INVS: variants seen among roughly 807,000 people sequenced by gnomAD.
INVS encodes the protein inversin.
A neutral mutation model predicts 108.8 loss-of-function variants in INVS; 86 were observed. The observed-to-expected ratio is 0.79, with a 90% CI of 0.66 to 0.95. The LOEUF (loss-of-function observed/expected upper bound fraction) is 0.95, where lower values mean the gene tolerates loss of function less well. Among genes scored for constraint, INVS ranks in the 40% least tolerant of loss-of-function variants. The pLI, the probability that INVS is intolerant of heterozygous loss-of-function variation, is 0.00. For synonymous variants in INVS, 455 were observed against 473.5 expected (o/e 0.96, Z 0.51); for missense variants, 1,169 against 1,297.4 (o/e 0.90, Z 1.52).
intron 3 of INVS, among the ~76,000 whole-genome samples, chr9:100,186,080 A>C (rs768863012): frequency 4.6e-5 from 7 of 152,146 alleles, no homozygotes; most frequent in Non-Finnish European, 1.0e-4. Flanking sequence ...TGCTGGATCA[A>C]ATGGGTCAAA....
intron 3 of INVS, among the ~76,000 whole-genome samples, chr9:100,160,494 T>C (rs1169811414): frequency 6.6e-6 from 1 of 152,238 alleles, no homozygotes; most frequent in Non-Finnish European, 1.5e-5. Flanking sequence ...ACACATTTAT[T>C]AGTCAATAGA....
intron 3 of INVS, among the ~76,000 whole-genome samples, chr9:100,189,845 C>T (rs536601187): frequency 1.4e-4 from 22 of 152,072 alleles, no homozygotes; most frequent in Non-Finnish European, 2.8e-4. Flanking sequence ...CTGCCTCACC[C>T]TCCCAAAGTG....
At chr9:100,233,556 T>C (rs1280890081) in intron 5 of INVS, among the ~76,000 whole-genome samples, 2 of 152,304 alleles carry the variant, frequency 1.3e-5, no homozygotes, top group East Asian at 3.9e-4. Context: ...CAATACCTAA[T>C]TTATTGAGTG....
intron 8 of INVS, among the ~76,000 whole-genome samples, chr9:100,251,807 C>T (rs1320869351): frequency 6.6e-6 from 1 of 152,178 alleles, no homozygotes; most frequent in Non-Finnish European, 1.5e-5. Flanking sequence ...CTTCAGCCAA[C>T]TGAAGGAACA....
intron 3 of INVS, among the ~76,000 whole-genome samples, chr9:100,199,490 A>C (rs1477079985): frequency 1.3e-5 from 2 of 151,910 alleles, no homozygotes; most frequent in African/African-American, 2.4e-5. Context: ...TCAAATTTTT[A>C]ATTTTTCATT....
chr9:100,147,777 C>T (rs909438438), intron 3 of INVS, among the ~76,000 whole-genome samples: 5 of 151,902 alleles, frequency 3.3e-5, no homozygotes, highest in African/African-American at 4.8e-5. Context: ...AAAAGAATGA[C>T]GATGGTGTCT....
At chr9:100,177,182 C>T (rs1829743195) in intron 3 of INVS, among the ~76,000 whole-genome samples, 2 of 152,118 alleles carry the variant, frequency 1.3e-5, no homozygotes, top group Non-Finnish European at 1.5e-5. Flanking sequence ...GGGTTTCAAG[C>T]AAAAAACCGG....
chr9:100,115,942 T>C (rs1367363218), intron 2 of INVS, among the ~76,000 whole-genome samples: 1 of 152,118 alleles, frequency 6.6e-6, no homozygotes, highest in Non-Finnish European at 1.5e-5. Context: ...TTTCTCCACA[T>C]CCTCTCCAGC....
chr9:100,197,656 T>C lies in INVS; in HGVS notation c.274-28406T>C, dbSNP rs77685497. ...GATTAACAACCATGTAGAAATGTGA[T>C]TGGGCCAAAAAGGTGTGATCTAATT... On this transcript the variant is annotated intron_variant, in intron 3 of 16. Transcript: ENST00000262457. 6.4e-4 allele frequency among the ~76,000 whole-genome samples: 97 copies of C among 152,294 alleles called. 3 individuals are homozygous for C. In the East Asian group the frequency reaches 0.016, roughly 26 times the overall value.
chr9:100,143,358 T>C (rs943043993), intron 3 of INVS, among the ~76,000 whole-genome samples: 1 of 152,118 alleles, frequency 6.6e-6, no homozygotes, highest in African/African-American at 2.4e-5. Flanking sequence ...AAGGGGAGTT[T>C]ATAGGCTTTA....
intron 3 of INVS, among the ~76,000 whole-genome samples, chr9:100,224,631 T>G (rs1259814794): frequency 6.6e-6 from 1 of 152,164 alleles, no homozygotes; most frequent in Non-Finnish European, 1.5e-5. Flanking sequence ...CTCTTTTTTT[T>G]TTTGAAATGG....
chr9:100,209,989 G>C (rs1178651597), intron 3 of INVS, among the ~76,000 whole-genome samples: 1 of 152,016 alleles, frequency 6.6e-6, no homozygotes, highest in South Asian at 2.1e-4. Flanking sequence ...ACACAATGCC[G>C]TCGCACATTC....
At chr9:100,186,007 A>G (rs1382000489) in intron 3 of INVS, among the ~76,000 whole-genome samples, 1 of 152,206 alleles carries the variant, frequency 6.6e-6, no homozygotes, top group African/African-American at 2.4e-5. Context: ...TGCAATATAC[A>G]TATGCATGCA....
intron 3 of INVS, chr9:100,130,269 T>C (rs1421501957): frequency 1.3e-5 from 2 of 152,162 alleles, no homozygotes; most frequent in East Asian, 3.8e-4. Context: ...TCTGTTTTTT[T>C]AAATGAGGGA....
intron 3 of INVS, among the ~76,000 whole-genome samples, chr9:100,207,336 C>G (rs1028912553): frequency 6.6e-6 from 1 of 152,040 alleles, no homozygotes; most frequent in African/African-American, 2.4e-5. Context: ...CTCTGTCACC[C>G]AGGCTGGAAT....
intron 10 of INVS, among the ~76,000 whole-genome samples, chr9:100,254,828 TAC>T (rs1007646766): frequency 1.3e-5 from 2 of 152,208 alleles, no homozygotes; most frequent in African/African-American, 2.4e-5. Context: ...AGCCTTATAG[TAC>T]AGTTTGAAGT....
chr9:100,112,050 C>G (rs1344277720), intron 2 of INVS, among the ~76,000 whole-genome samples: 1 of 152,100 alleles, frequency 6.6e-6, no homozygotes, highest in Non-Finnish European at 1.5e-5. Context: ...TGCAGTGGTG[C>G]AATCTCTGCC....
intron 7 of INVS, among the ~76,000 whole-genome samples, chr9:100,243,077 T>C (rs1831930320): frequency 1.3e-5 from 2 of 152,226 alleles, no homozygotes; most frequent in South Asian, 2.1e-4. Context: ...TCTGAAGTTT[T>C]ATACAGATTT....
intron 12 of INVS, among the ~76,000 whole-genome samples, chr9:100,277,619 C>G (rs1191757540): frequency 1.3e-5 from 2 of 152,066 alleles, no homozygotes; most frequent in Non-Finnish European, 2.9e-5. Flanking sequence ...CAAAGGGGGT[C>G]CATGAGTCAC....
Sources: allele counts gnomAD v4.1 joint callset (sites outside exome capture counted in the v4.1 genomes callset), GRCh38; gene constraint gnomAD v4.1.1; transcripts MANE v1.5; gene names NCBI Gene and HGNC (gene_info 2026-07-23, HGNC 2026-07-21).